The following ELP4 variants were observed in gnomAD, a reference collection of about 807,000 sequenced individuals.
ELP4 encodes elongator acetyltransferase complex subunit 4, also known as elongator complex protein 4.
A neutral mutation model predicts 48.9 loss-of-function variants in ELP4; 51 were observed. The ratio of observed to expected loss-of-function variants is 1.04; its 90% CI spans 0.83 to 1.32. ELP4 has a LOEUF of 1.32. Among genes scored for constraint, ELP4 ranks in the 40% most tolerant of loss-of-function variants. The pLI, the probability that ELP4 is intolerant of heterozygous loss-of-function variation, is 0.00. For missense variants in ELP4, 519 were observed against 514.6 expected, an observed-to-expected ratio of 1.01 and a Z score of -0.08; for synonymous variants, 210 against 189.2, an observed-to-expected ratio of 1.11 and a Z score of -0.90.
intron 9 of ELP4, among the ~76,000 whole-genome samples, chr11:31,725,846 G>A (rs1565128238): frequency 6.6e-6 from 1 of 152,078 alleles, no homozygotes; most frequent in Non-Finnish European, 1.5e-5. Context: ...GCCAGGGATG[G>A]GTCCATCCTG....
chr11:31,590,425 G>A (rs1957548930), intron 3 of ELP4, among the ~76,000 whole-genome samples: 1 of 151,966 alleles, frequency 6.6e-6, no homozygotes, highest in Admixed American at 6.5e-5. Context: ...CACTTTCAAT[G>A]TATCAAAGAG....
At chr11:31,706,602 A>T (rs1156386310) in intron 9 of ELP4, among the ~76,000 whole-genome samples, 1 of 148,078 alleles carries the variant, frequency 6.8e-6, no homozygotes, top group East Asian at 1.9e-4. Context: ...TAATTTAATT[A>T]ATTTTATATA....
intron 3 of ELP4, among the ~76,000 whole-genome samples, chr11:31,549,994 G>T (rs182002587): frequency 1.9e-3 from 287 of 152,220 alleles, no homozygotes; most frequent in Admixed American, 4.3e-3. Context: ...TGTGAGGTGG[G>T]GTAGGGGGGA....
At chr11:31,557,537 G>A (rs1327125971) in intron 3 of ELP4, among the ~76,000 whole-genome samples, 3 of 151,982 alleles carry the variant, frequency 2.0e-5, no homozygotes, top group African/African-American at 4.8e-5. Context: ...AACACAGTGA[G>A]TAGTCAGTTG....
intron 1 of ELP4, chr11:31,510,322 G>A: frequency 2.0e-6 from 1 of 506,420 alleles, no homozygotes; most frequent in Non-Finnish European, 3.5e-6. Context: ...TTAATTTATG[G>A]AGATGGTTTG....
intron 1 of ELP4, among the ~76,000 whole-genome samples, chr11:31,513,785 C>T (rs1956054402): frequency 6.6e-6 from 1 of 152,116 alleles, no homozygotes; most frequent in African/African-American, 2.4e-5. Flanking sequence ...ACAACAAAAG[C>T]CCTTTCGTTG....
chr11:31,513,846 A>T (rs1237292825), intron 1 of ELP4, among the ~76,000 whole-genome samples: 3 of 152,182 alleles, frequency 2.0e-5, no homozygotes, highest in African/African-American at 7.2e-5. Flanking sequence ...AAGATCTTAA[A>T]TTTTCTAATA....
intron 4 of ELP4, among the ~76,000 whole-genome samples, chr11:31,596,706 C>G (rs1957676317): frequency 6.6e-6 from 1 of 152,060 alleles, no homozygotes; most frequent in Non-Finnish European, 1.5e-5. Context: ...TATTTTTAAG[C>G]TGTGATTTAA....
chr11:31,512,542 T>C (rs749052337), intron 1 of ELP4: 15 of 152,250 alleles, frequency 9.9e-5, no homozygotes, highest in Non-Finnish European at 2.1e-4. Context: ...GATATTGATA[T>C]ACATTTCCCA....
intron 9 of ELP4, among the ~76,000 whole-genome samples, chr11:31,680,128 C>A (rs1384848881): frequency 1.3e-5 from 2 of 152,150 alleles, no homozygotes; most frequent in African/African-American, 2.4e-5. Context: ...CCCCAATTAT[C>A]TGATGGATCT....
In ELP4 at chr11:31,623,027, C is replaced by G. The variant is rs940085253; in HGVS notation, c.654-4083C>G. On this transcript the variant is annotated intron_variant, in intron 5 of 9. Transcript: ENST00000640961. ...CACATTGTAGAATCTCAAAATAGAT[C>G]ATTATAATATAAAAGTTGTTGAAAA... is the stretch of plus-strand genomic sequence containing the variant. Among the ~76,000 whole-genome samples the G allele has an allele frequency of 9.6e-4, 126 of 130,576 alleles. 1 individual carries two copies. Among genetic ancestry groups the G allele is most frequent in the African/African-American group, 3.0e-3 (124 of 40,746 alleles). 85.7% of individuals were successfully genotyped at this position (130,576 alleles called of 152,430 possible). A position where few individuals can be genotyped will look rare whatever the true frequency, so the allele number is the denominator to read the frequency against.
intron 1 of ELP4, among the ~76,000 whole-genome samples, chr11:31,515,439 G>A (rs748011408): frequency 2.0e-5 from 3 of 152,046 alleles, no homozygotes; most frequent in Non-Finnish European, 4.4e-5. Flanking sequence ...TTTGAGCCCA[G>A]GAGTTCAAAA....
intron 9 of ELP4, among the ~76,000 whole-genome samples, chr11:31,772,209 T>TCCCGG (rs1288932477): frequency 6.9e-6 from 1 of 144,814 alleles, no homozygotes; most frequent in African/African-American, 2.5e-5. Context: ...AACCTCCACA[T>TCCCGG]CCCGGGTTCA....
chr11:31,667,466 G>A (rs866293223), intron 9 of ELP4, among the ~76,000 whole-genome samples: 35 of 152,070 alleles, frequency 2.3e-4, no homozygotes, highest in African/African-American at 8.5e-4. Context: ...TTAGTATAAT[G>A]AGTGAAACAT....
chr11:31,685,849 T>G (rs1434932601), intron 9 of ELP4, among the ~76,000 whole-genome samples: 1 of 151,748 alleles, frequency 6.6e-6, no homozygotes, highest in Non-Finnish European at 1.5e-5. Context: ...GAGAATCACT[T>G]CAACCTGGGA....
At chr11:31,740,979 C>G (rs1323345721) in intron 9 of ELP4, among the ~76,000 whole-genome samples, 1 of 152,230 alleles carries the variant, frequency 6.6e-6, no homozygotes, top group Non-Finnish European at 1.5e-5. Flanking sequence ...TCAGGGAATT[C>G]CCTTTCCTAG....
intron 3 of ELP4, among the ~76,000 whole-genome samples, chr11:31,589,008 CAAAT>C (rs1277276659): frequency 2.6e-5 from 4 of 152,066 alleles, no homozygotes; most frequent in Non-Finnish European, 5.9e-5. Flanking sequence ...AATTAAAAAA[CAAAT>C]AACATATTAA....
chr11:31,744,996 G>A lies in ELP4; in HGVS notation c.1144-38397G>A, dbSNP rs540837293. Among the ~76,000 whole-genome samples the A allele has an allele frequency of 3.6e-3, 545 of 152,140 alleles. 2 individuals are homozygous for A. The highest frequency in any genetic ancestry group is 0.012 in the African/African-American group (492 of 41,486). ...GATTGTATATCTAGAAAACCCCATC[G>A]TCTCAGCCCAAAATCTCCTCAAGCT... On this transcript the variant is annotated intron_variant, in intron 9 of 9. Coordinates refer to ENST00000640961, the MANE Select transcript of ELP4 (RefSeq NM_019040.5).
chr11:31,758,153 G>A (rs891774602), intron 9 of ELP4, among the ~76,000 whole-genome samples: 1 of 152,174 alleles, frequency 6.6e-6, no homozygotes, highest in Non-Finnish European at 1.5e-5. Flanking sequence ...ATTTTACAAT[G>A]TGGTTCTACA....
Sources: gnomAD v4.1 joint callset for allele counts (sites outside exome capture counted in the v4.1 genomes callset) on GRCh38, gnomAD v4.1.1 for gene constraint, MANE v1.5 for transcripts, NCBI Gene and HGNC (gene_info 2026-07-23, HGNC 2026-07-21) for gene names.